TADA1: variants seen among roughly 807,000 people sequenced by gnomAD.
TADA1 encodes the protein transcriptional adaptor 1.
A neutral mutation model predicts 39.3 loss-of-function variants in TADA1; 23 were observed. The ratio of observed to expected loss-of-function variants is 0.58; its 90% CI spans 0.42 to 0.83. The LOEUF is 0.83. Ranked by LOEUF, TADA1 falls within the 40% of genes least tolerant of loss-of-function variation. The pLI is 0.00. For missense variants in TADA1, 352 were observed against 408.1 expected (o/e 0.86, Z 1.18); for synonymous variants, 137 against 151.8 (o/e 0.90, Z 0.72).
intron 1 of TADA1, among the ~76,000 whole-genome samples, chr1:166,871,047 G>A (rs1230812645): frequency 6.6e-6 from 1 of 151,928 alleles, no homozygotes; most frequent in Non-Finnish European, 1.5e-5. Flanking sequence ...CTTCCCTTCA[G>A]ATAAACTCAA....
At chr1:166,864,018 G>A (rs1227213943) in intron 3 of TADA1, 97 bp from the exon 4 acceptor site, 5 of 912,320 alleles carry the variant, frequency 5.5e-6, no homozygotes, top group Non-Finnish European at 8.4e-6. Context: ...GAATGCTCAT[G>A]AAATGCAAAT....
chr1:166,857,617 T>G lies in TADA1; in HGVS notation c.958A>C (p.Lys320Gln). Residue 320 changes from lysine (K) to glutamine (Q), a missense_variant, in exon 8 of 8, where the codon AAA (lysine) becomes CAA (glutamine). Lys to Gln is a moderately conservative substitution (Grantham distance 53). This residue lies in a region of TADA1 where 285 missense variants were observed against 310.9 expected (regional missense o/e 0.92). Transcript: ENST00000367874. Reference protein sequence around the residue: ...HPNHEELQQDKVHRQRLAAKE... With the variant: ...HPNHEELQQDQVHRQRLAAKE... Reference sequence around the variant, plus strand: ...GCTGCCAAGCGCTGGCGGTGAACTTTGTCTTGCTGCAGCTCTTCATGATTT... The same window carrying G: ...GCTGCCAAGCGCTGGCGGTGAACTTGGTCTTGCTGCAGCTCTTCATGATTT... 6.2e-7 allele frequency: 1 copy of G among 1,614,216 alleles called. No homozygotes were observed. Among genetic ancestry groups the G allele is most frequent in the African/African-American group, 1.3e-5 (1 of 75,070 alleles).
rs750890928 is a variant in TADA1, at chr1:166,862,317, T to G, written c.426A>C (p.Thr142=). The change falls in exon 5 of 8, where the codon ACA becomes ACC. Residue 142 remains threonine, a synonymous_variant. Transcript: ENST00000367874. ...GCTGGCCTCGAGTGGGAAGCATCATTGTGTGGGAACAAAGTTTCAAGTCGT... is the reference window on the plus strand; with the variant it reads ...GCTGGCCTCGAGTGGGAAGCATCATGGTGTGGGAACAAAGTTTCAAGTCGT... ...DDDDLKLCSH[T]MMLPTRGQLE... 23 of 1,614,076 alleles carry G rather than the reference T, an allele frequency of 1.4e-5. No individual in the cohort carries two copies. In the African/African-American group the frequency reaches 2.9e-4, roughly 21 times the overall value.
At chr1:166,865,504 C>A (rs1658508995) in intron 3 of TADA1, among the ~76,000 whole-genome samples, 2 of 151,600 alleles carry the variant, frequency 1.3e-5, no homozygotes, top group African/African-American at 4.9e-5. Flanking sequence ...CACAACCTCA[C>A]TACAGTACAC....
chr1:166,857,826 T>C, intron 7 of TADA1, 107 bp from the exon 8 acceptor site: 1 of 1,244,540 alleles, frequency 8.0e-7, no homozygotes, highest in Non-Finnish European at 1.1e-6. Context: ...CTATAAACTT[T>C]CAGTCATACA....
At chr1:166,860,407 C>A in intron 5 of TADA1, 70 bp from the exon 6 acceptor site, 1 of 1,453,008 alleles carries the variant, frequency 6.9e-7, no homozygotes, top group African/African-American at 1.4e-5. Flanking sequence ...TTCCACTGAC[C>A]AAAAAACATT....
chr1:166,864,952 G>A (rs930345176), intron 3 of TADA1, among the ~76,000 whole-genome samples: 4 of 152,146 alleles, frequency 2.6e-5, no homozygotes, highest in Non-Finnish European at 4.4e-5. Context: ...TTTAACAGTA[G>A]GCTTCCTGTC....
chr1:166,860,029 A>C (rs958168117), intron 6 of TADA1, among the ~76,000 whole-genome samples, 157 bp downstream of exon 6: 3 of 152,180 alleles, frequency 2.0e-5, no homozygotes, highest in African/African-American at 7.2e-5. Flanking sequence ...AATTCACTAG[A>C]TCTCAGGCAA....
At chr1:166,873,209 T>G (rs1221795585) in intron 1 of TADA1, among the ~76,000 whole-genome samples, 1 of 152,102 alleles carries the variant, frequency 6.6e-6, no homozygotes, top group Non-Finnish European at 1.5e-5. Context: ...AGGTGGAGGT[T>G]GCAGTGAGCC....
At chr1:166,857,743 G>A (rs1195668052) in intron 7 of TADA1, 24 bp from the exon 8 acceptor site, 2 of 1,606,546 alleles carry the variant, frequency 1.2e-6, no homozygotes, top group Non-Finnish European at 1.7e-6. Context: ...ATTAACGCAT[G>A]TCCAATTATA....
At chr1:166,858,070 TC>T in intron 7 of TADA1, 48 bp downstream of exon 7, 2 of 1,602,864 alleles carry the variant, frequency 1.2e-6, no homozygotes, top group Non-Finnish European at 1.7e-6. Context: ...TTAAAGAATC[TC>T]TTAACCTATC....
chr1:166,873,666 G>C (rs1658703622), intron 1 of TADA1, among the ~76,000 whole-genome samples: 1 of 152,158 alleles, frequency 6.6e-6, no homozygotes, highest in Admixed American at 6.6e-5. Context: ...AACAATGAGA[G>C]AATGGAAAAA....
chr1:166,857,814 A>G, intron 7 of TADA1, 95 bp from the exon 8 acceptor site: 1 of 1,351,792 alleles, frequency 7.4e-7, no homozygotes, highest in Non-Finnish European at 1.0e-6. Flanking sequence ...CATACACACA[A>G]TCTATAAACT....
Position 166,863,893 on chromosome 1 carries a change from C to A in TADA1, c.261G>T (p.Gly87=), listed in dbSNP as rs1658470858. 2 of 1,610,940 alleles carry A rather than the reference C, an allele frequency of 1.2e-6. No individual in the cohort carries two copies. The highest frequency in any genetic ancestry group is 2.7e-5 in the African/African-American group (2 of 74,676). ...GTTTTCCAGGTTTTGCTGCGGAACC[C>A]CCTGGCCAAGGCAAAGATCCAGCAC... is the stretch of plus-strand genomic sequence containing the variant. ...PDGAGSLPWP[G]GSAAKPGKPK... The change falls in exon 4 of 8, where the codon GGG becomes GGT. Residue 87 remains glycine (G), a synonymous_variant. Coordinates refer to ENST00000367874, the MANE Select transcript of TADA1 (RefSeq NM_053053.4).
intron 1 of TADA1, among the ~76,000 whole-genome samples, chr1:166,875,550 G>A (rs1047866711): frequency 6.6e-6 from 1 of 152,196 alleles, no homozygotes; most frequent in Non-Finnish European, 1.5e-5. Flanking sequence ...TCTCACATCT[G>A]TTGTAAGGAT....
intron 1 of TADA1, among the ~76,000 whole-genome samples, chr1:166,874,149 T>C (rs1260136702): frequency 2.0e-5 from 3 of 151,598 alleles, no homozygotes; most frequent in Non-Finnish European, 2.9e-5. Context: ...AAGACCAGCC[T>C]GGCCAAGATG....
chr1:166,862,148 A>G, intron 5 of TADA1, 55 bp downstream of exon 5: 1 of 1,539,868 alleles, frequency 6.5e-7, no homozygotes, highest in South Asian at 1.1e-5. Context: ...TTTAAACAAC[A>G]CACAAGCCTA....
intron 1 of TADA1, 152 bp downstream of exon 1, chr1:166,876,008 C>T (rs1658760078): frequency 2.6e-6 from 2 of 758,904 alleles, no homozygotes; most frequent in Non-Finnish European, 4.0e-6. Flanking sequence ...GCCCGCCCCG[C>T]CCCGGCCGGA....
chr1:166,858,333 A>G, intron 6 of TADA1, 52 bp from the exon 7 acceptor site: 1 of 1,429,316 alleles, frequency 7.0e-7, no homozygotes, highest in Non-Finnish European at 9.4e-7. Flanking sequence ...ACTGAGCAAC[A>G]AGGACAGGAG....
Sources: gnomAD v4.1 joint callset for allele counts (sites outside exome capture counted in the v4.1 genomes callset) on GRCh38, gnomAD v4.1.1 for gene constraint, gnomAD v4.1.1 regional missense constraint, MANE v1.5 for transcripts, NCBI Gene and HGNC (gene_info 2026-07-23, HGNC 2026-07-21) for gene names.